Variants in COL4A6 observed in about 807,000 individuals in gnomAD.
COL4A6 encodes collagen alpha-6(IV) chain.
In COL4A6, 59 loss-of-function variants were observed where a neutral mutation model predicts 126.7. That is an observed-to-expected ratio of 0.47 (90% CI 0.38 to 0.58). The LOEUF (loss-of-function observed/expected upper bound fraction) is 0.58. Ranked by LOEUF, COL4A6 falls within the 20% of genes least tolerant of loss-of-function variation. COL4A6 has a pLI of 0.00. For missense variants in COL4A6, 1,285 were observed against 1,337.3 expected, an observed-to-expected ratio of 0.96 and a Z score of 0.61; for synonymous variants, 547 against 496.6, an observed-to-expected ratio of 1.10 and a Z score of -1.35.
At chrX:108,229,479 G>A (rs2036252143) in intron 3 of COL4A6, among the ~76,000 whole-genome samples, 1 of 111,866 alleles carries the variant, frequency 8.9e-6, no homozygotes, top group Non-Finnish European at 1.9e-5. Context: ...CTGGGCTTCA[G>A]CTCCGGAGTT....
At position 108,205,453 on chromosome X, in the gene COL4A6, C is replaced by T. The variant is rs1273189815; in HGVS notation, c.673G>A (p.Glu225Lys). ...DGNMGLGFQG[E>K]KGVKGDVGLP... ...AAGCTGTTTACCTTGACTCCTTTCT[C>T]TCCTTGAAAACCTAGCCCCATATTC... The change falls in exon 11 of 45, where the codon GAG becomes AAG. Residue 225 changes from glutamate to lysine, a missense_variant. Glu to Lys is a moderately conservative substitution (Grantham distance 56, BLOSUM62 1). Coordinates refer to ENST00000334504, the MANE Select transcript of COL4A6 (RefSeq NM_033641.4). The T allele has an allele frequency of 8.3e-7, 1 of 1,201,440 alleles. No homozygotes were observed. Among genetic ancestry groups the T allele is most frequent in the Non-Finnish European group, 1.1e-6 (1 of 887,875 alleles).
intron 2 of COL4A6, among the ~76,000 whole-genome samples, chrX:108,328,717 T>C: frequency 8.9e-6 from 1 of 112,150 alleles, no homozygotes; most frequent in Non-Finnish European, 1.9e-5. Context: ...CAAAGGAATA[T>C]GAAATATCCA....
At chrX:108,383,390 AC>A in intron 2 of COL4A6, 1 of 464,641 alleles carries the variant, frequency 2.2e-6, no homozygotes, top group South Asian at 2.7e-5. Context: ...AAGAAGTAAA[AC>A]CCTGACTCAA....
At chrX:108,276,209 C>A (rs1477969726) in intron 3 of COL4A6, among the ~76,000 whole-genome samples, 1 of 112,920 alleles carries the variant, frequency 8.9e-6, no homozygotes, top group African/African-American at 3.2e-5. Context: ...CTTAAACAAG[C>A]CCTAATACCA....
At chrX:108,406,120 A>T (rs1207476417) in intron 2 of COL4A6, among the ~76,000 whole-genome samples, 2 of 111,159 alleles carry the variant, frequency 1.8e-5, no homozygotes, top group Non-Finnish European at 3.8e-5. Context: ...GGCACATGCC[A>T]CAATGCCTGG....
intron 23 of COL4A6, 152 bp downstream of exon 23, chrX:108,186,944 C>G (rs994258818): frequency 4.4e-6 from 2 of 456,657 alleles, no homozygotes; most frequent in Admixed American, 4.0e-5. Flanking sequence ...AATTATAATA[C>G]TTTTTTTCAC....
intron 5 of COL4A6, among the ~76,000 whole-genome samples, chrX:108,216,822 C>T (rs1166656319): frequency 8.9e-6 from 1 of 112,843 alleles, no homozygotes; most frequent in Non-Finnish European, 1.9e-5. Flanking sequence ...TGTGTGTTCA[C>T]TTTGAGGATA....
intron 3 of COL4A6, among the ~76,000 whole-genome samples, chrX:108,261,509 G>A (rs73524823): frequency 3.1e-4 from 34 of 111,417 alleles, no homozygotes; most frequent in African/African-American, 1.1e-3. Flanking sequence ...AGTAGAGTTG[G>A]AACTAGAATC....
chrX:108,160,640 G>T lies in COL4A6; in HGVS notation c.4348C>A (p.Gln1450Lys), dbSNP rs145082503. ...ATTCCAGGCATCCCGAAGGGGCCTT[G>T]CTGCCCTGGAGCTCCTGAGAGAGAC... ...PPGFEGAPGQ[Q>K]GPFGMPGMPG... The change falls in exon 43 of 45, where the codon CAA (glutamine) becomes AAA (lysine). Residue 1450 changes from glutamine (Q) to lysine (K), a missense_variant. By Grantham distance (53) the Gln-to-Lys change is moderately conservative. Transcript: ENST00000334504. 1.6e-5 allele frequency: 19 copies of T among 1,205,700 alleles called. No individual in the cohort carries two copies. In the African/African-American group the frequency reaches 3.1e-4, roughly 20 times the overall value.
chrX:108,383,107 C>T (rs1265227358), intron 2 of COL4A6, among the ~76,000 whole-genome samples: 1 of 109,599 alleles, frequency 9.1e-6, no homozygotes, highest in Non-Finnish European at 1.9e-5. Context: ...AGAACCATTA[C>T]ATTTAATGTA....
chrX:108,193,742 A>C (rs1227015991), intron 16 of COL4A6, 45 bp from the exon 17 acceptor site: 1 of 1,045,594 alleles, frequency 9.6e-7, no homozygotes, highest in East Asian at 3.1e-5. Flanking sequence ...CCATTTCCTT[A>C]TTACCCAAGA....
At chrX:108,261,244 G>A (rs941727131) in intron 3 of COL4A6, among the ~76,000 whole-genome samples, 1 of 111,761 alleles carries the variant, frequency 8.9e-6, no homozygotes, top group African/African-American at 3.2e-5. Flanking sequence ...ATGCTCAATA[G>A]CTACATATGG....
At chrX:108,244,992 C>G (rs770933755) in intron 3 of COL4A6, among the ~76,000 whole-genome samples, 70 of 112,294 alleles carry the variant, frequency 6.2e-4, no homozygotes, top group Non-Finnish European at 1.1e-3. Flanking sequence ...CACAAATTCT[C>G]TTGCAAACAA....
At chrX:108,328,684 A>G (rs774633825) in intron 2 of COL4A6, among the ~76,000 whole-genome samples, 2 of 112,235 alleles carry the variant, frequency 1.8e-5, no homozygotes, top group South Asian at 7.4e-4. Flanking sequence ...TAGAAATAGA[A>G]CTACTTCATG....
intron 42 of COL4A6, among the ~76,000 whole-genome samples, chrX:108,160,890 C>A (rs2033910080): frequency 8.9e-6 from 1 of 112,194 alleles, no homozygotes; most frequent in Non-Finnish European, 1.9e-5. Context: ...ATGTATCCAG[C>A]TACAGACGCC....
chrX:108,328,050 TA>T (rs932290743), intron 2 of COL4A6, among the ~76,000 whole-genome samples: 3 of 111,770 alleles, frequency 2.7e-5, no homozygotes, highest in African/African-American at 9.7e-5. Context: ...TTAAATTTGT[TA>T]AAAAAAGGAT....
intron 2 of COL4A6, among the ~76,000 whole-genome samples, chrX:108,393,507 C>T (rs776815781): frequency 1.8e-5 from 2 of 111,755 alleles, no homozygotes; most frequent in South Asian, 7.6e-4. Context: ...GATCATTGCC[C>T]ACAGCTATGG....
intron 2 of COL4A6, among the ~76,000 whole-genome samples, chrX:108,315,815 C>T (rs1395997267): frequency 1.8e-5 from 2 of 111,880 alleles, no homozygotes; most frequent in Non-Finnish European, 3.8e-5. Flanking sequence ...CAGTATTTTA[C>T]TCAATTTGAT....
chrX:108,276,164 G>A (rs2037596444), intron 3 of COL4A6, among the ~76,000 whole-genome samples: 1 of 112,978 alleles, frequency 8.9e-6, no homozygotes, highest in Non-Finnish European at 1.9e-5. Flanking sequence ...GATTATGAGA[G>A]GCAAAGCAAA....
Sources: allele counts gnomAD v4.1 joint callset (sites outside exome capture counted in the v4.1 genomes callset), GRCh38; gene constraint gnomAD v4.1.1; transcripts MANE v1.5; gene names NCBI Gene and HGNC (gene_info 2026-07-23, HGNC 2026-07-21).